TTLL7: variants seen among roughly 807,000 people sequenced by gnomAD.
TTLL7 encodes the protein tubulin tyrosine ligase like 7.
In TTLL7, 53 loss-of-function variants were observed where a neutral mutation model predicts 120.2. That is an observed-to-expected ratio of 0.44 (90% confidence interval 0.35 to 0.55). The LOEUF (loss-of-function observed/expected upper bound fraction) is 0.55, where lower values mean the gene tolerates loss of function less well. Among genes scored for constraint, TTLL7 ranks in the 20% least tolerant of loss-of-function variants. The pLI, the probability that TTLL7 is intolerant of heterozygous loss-of-function variation, is 0.00. For missense variants in TTLL7, 803 were observed against 1,054.7 expected (o/e 0.76, Z 3.31); for synonymous variants, 353 against 351.7 (o/e 1.00, Z -0.04).
intron 1 of TTLL7, among the ~76,000 whole-genome samples, chr1:83,959,813 C>T (rs1365575901): frequency 6.6e-6 from 1 of 152,032 alleles, no homozygotes; most frequent in African/African-American, 2.4e-5. Context: ...AATGAAAATA[C>T]TATACATCAG....
intron 19 of TTLL7, among the ~76,000 whole-genome samples, chr1:83,884,875 AT>A: frequency 6.6e-6 from 1 of 152,026 alleles, no homozygotes; most frequent in Non-Finnish European, 1.5e-5. Context: ...AAGTATAATA[AT>A]AATAAAATAA....
intron 1 of TTLL7, among the ~76,000 whole-genome samples, chr1:83,985,333 G>C (rs545013325): frequency 6.6e-6 from 1 of 152,178 alleles, no homozygotes; most frequent in Non-Finnish European, 1.5e-5. Context: ...TCCAAGGCTG[G>C]AGAAAGAAGG....
At chr1:83,988,040 A>G (rs1652640855) in intron 1 of TTLL7, among the ~76,000 whole-genome samples, 1 of 152,012 alleles carries the variant, frequency 6.6e-6, no homozygotes, top group Non-Finnish European at 1.5e-5. Flanking sequence ...TCACCCTCCT[A>G]CCTCCATATA....
intron 9 of TTLL7, among the ~76,000 whole-genome samples, chr1:83,930,791 A>ATGGTACTGAGGTCTTGG (rs1659532097): frequency 2.6e-5 from 4 of 152,132 alleles, no homozygotes; most frequent in Admixed American, 2.6e-4. Flanking sequence ...TGTGCCAGGC[A>ATGGTACTGAGGTCTTGG]TATCCCTCCT....
intron 1 of TTLL7, among the ~76,000 whole-genome samples, chr1:83,975,165 C>T (rs1651348823): frequency 6.6e-6 from 1 of 152,084 alleles, no homozygotes; most frequent in Non-Finnish European, 1.5e-5. Context: ...TACCATGTTA[C>T]ATACATTGCA....
chr1:83,884,397 T>G (rs1654791107), intron 19 of TTLL7, among the ~76,000 whole-genome samples: 1 of 138,788 alleles, frequency 7.2e-6, no homozygotes, highest in South Asian at 2.5e-4. Flanking sequence ...ATTTGATATA[T>G]TTTGAATTCT....
intron 9 of TTLL7, among the ~76,000 whole-genome samples, chr1:83,932,121 A>T (rs1221280864): frequency 6.6e-6 from 1 of 152,182 alleles, no homozygotes; most frequent in Admixed American, 6.5e-5. Context: ...CCATTCAGTC[A>T]ATTCTGATTT....
rs560128675 is a variant in TTLL7, at chr1:83,916,644, A to T, written c.1587+960T>A. Among the ~76,000 whole-genome samples, 16 of 152,190 alleles carry T rather than the reference A, an allele frequency of 1.1e-4. 1 individual carries two copies. The South Asian group carries it at 2.5e-3, about 24-fold the overall frequency. On this transcript the variant is annotated intron_variant, in intron 14 of 20. Transcript: ENST00000260505. ...ACCCTAAAACTTAAAGTATAATTTT[A>T]AAAAAAAGAAAATATGATAGAAGAC...
At chr1:83,968,311 CTGCCA>C (rs1263817337) in intron 1 of TTLL7, among the ~76,000 whole-genome samples, 1 of 151,826 alleles carries the variant, frequency 6.6e-6, no homozygotes, top group Admixed American at 6.6e-5. Context: ...ATGAGGTTGC[CTGCCA>C]TCTTTTCTGC....
At chr1:83,878,202 T>G (rs6576956) in intron 20 of TTLL7, among the ~76,000 whole-genome samples, 65,124 of 148,948 alleles carry the variant, frequency 0.44, 15,351 homozygotes, top group Non-Finnish European at 0.54. Context: ...TTTGGGTTTG[T>G]TTTTTTTTTT....
In TTLL7 at chr1:83,869,821, A is replaced by C. The variant is rs1653175468; in HGVS notation, c.*141T>G. On this transcript the variant is annotated 3_prime_UTR_variant, in exon 21 of 21. Coordinates refer to ENST00000260505, the MANE Select transcript of TTLL7 (RefSeq NM_024686.6). ...TAATAAATATATGTTATTAGGGTGC[A>C]TATGTGCATATATTTTCACACATAT... The C allele has an allele frequency of 1.5e-6, 1 of 685,524 alleles. No individual in the cohort carries two copies. 42.5% of individuals were successfully genotyped at this position (685,524 alleles called of 1,614,324 possible).
chr1:83,990,953 C>G (rs1048342093), intron 1 of TTLL7, among the ~76,000 whole-genome samples: 1 of 152,148 alleles, frequency 6.6e-6, no homozygotes, highest in Non-Finnish European at 1.5e-5. Context: ...CACAACTGTC[C>G]ATGGATGATG....
chr1:83,939,546 T>C (rs1356921932), intron 7 of TTLL7, among the ~76,000 whole-genome samples: 3 of 152,156 alleles, frequency 2.0e-5, no homozygotes, highest in African/African-American at 4.8e-5. Flanking sequence ...TTGCAAGAAA[T>C]AGAAGCGAAA....
chr1:83,960,908 T>C (rs937736949), intron 1 of TTLL7, among the ~76,000 whole-genome samples: 4 of 152,144 alleles, frequency 2.6e-5, no homozygotes, highest in South Asian at 2.1e-4. Context: ...TCCTTGAACA[T>C]AGTAACTTTT....
chr1:83,982,409 T>A (rs115954274), intron 1 of TTLL7, among the ~76,000 whole-genome samples: 1 of 151,972 alleles, frequency 6.6e-6, no homozygotes. Context: ...AAAAAACTTA[T>A]ATAAATATAA....
chr1:83,913,194 TA>T (rs1409873276), intron 14 of TTLL7, among the ~76,000 whole-genome samples: 2 of 152,198 alleles, frequency 1.3e-5, no homozygotes, highest in Non-Finnish European at 2.9e-5. Context: ...ATGGAATTTG[TA>T]AACTGGCATT....
chr1:83,890,494 C>A lies in TTLL7; in HGVS notation c.2209-13G>T. The A allele has an allele frequency of 1.9e-6, 3 of 1,601,514 alleles. No individual in the cohort carries two copies. The highest frequency in any genetic ancestry group is 1.3e-5 in the African/African-American group (1 of 74,194). On this transcript the variant is annotated splice_polypyrimidine_tract_variant and intron_variant, in intron 18 of 20. Transcript: ENST00000260505. ...CTATGTCCAAAACCTAGTGGAAAAA[C>A]CAAAGTACTTACAATCTAGGAATGT...
chr1:83,970,836 G>A (rs12083946), intron 1 of TTLL7, among the ~76,000 whole-genome samples: 3,657 of 152,092 alleles, frequency 0.024, 72 homozygotes, highest in African/African-American at 0.053. Context: ...GTATGATAAT[G>A]ACAGCTTCAT....
chr1:83,968,637 G>C (rs929302160), intron 1 of TTLL7, among the ~76,000 whole-genome samples: 2 of 152,008 alleles, frequency 1.3e-5, no homozygotes, highest in African/African-American at 4.8e-5. Context: ...TTAACATTGA[G>C]ACTAGGAAAC....
Sources: gnomAD v4.1 joint callset for allele counts (sites outside exome capture counted in the v4.1 genomes callset) on GRCh38, gnomAD v4.1.1 for gene constraint, MANE v1.5 for transcripts, NCBI Gene and HGNC (gene_info 2026-07-23, HGNC 2026-07-21) for gene names.